Variants in RB1 observed in about 807,000 individuals in gnomAD.
RB1 encodes the protein retinoblastoma-associated protein.
Under a neutral mutation model 135.4 loss-of-function variants are expected in RB1, and 18 were observed. The ratio of observed to expected loss-of-function variants is 0.13; its 90% CI spans 0.09 to 0.20. The LOEUF is 0.20. Among genes scored for constraint, RB1 ranks in the 10% least tolerant of loss-of-function variants. RB1 has a pLI of 1.00. For synonymous variants in RB1, 365 were observed against 373.2 expected (o/e 0.98, Z 0.25); for missense variants, 868 against 1,110.0 (o/e 0.78, Z 3.10).
rs898268396 is a variant in RB1 at position 48,319,377 on chromosome 13, G to A, written c.264+11971G>A. The A allele has an allele frequency of 8.8e-6, 4 of 453,328 alleles. No individual in the cohort carries two copies. The highest frequency in any genetic ancestry group is 2.0e-5 in the African/African-American group (1 of 49,440). 28.1% of individuals were successfully genotyped at this position (453,328 alleles called of 1,614,324 possible). On this transcript the variant is annotated intron_variant, in intron 2 of 26. Coordinates refer to ENST00000267163, the MANE Select transcript of RB1 (RefSeq NM_000321.3). This position sits in a 1 kb window ranked among gnomAD's most constrained non-coding sequence, Gnocchi z 5.0. ...TTGCCGCAGCTAGTACACCTGGATGGCCTCCTCAGTGCCGTCGTTGCTGCT... is the reference window on the plus strand; with the variant it reads ...TTGCCGCAGCTAGTACACCTGGATGACCTCCTCAGTGCCGTCGTTGCTGCT...
intron 17 of RB1, among the ~76,000 whole-genome samples, chr13:48,394,057 C>T (rs1174156712): frequency 2.0e-5 from 3 of 152,134 alleles, no homozygotes; most frequent in African/African-American, 4.8e-5. Context: ...GTACCTGGCT[C>T]ATCTCATTGG....
At chr13:48,438,863 A>T (rs1052528317) in intron 17 of RB1, among the ~76,000 whole-genome samples, 1 of 152,208 alleles carries the variant, frequency 6.6e-6, no homozygotes, top group Non-Finnish European at 1.5e-5. Flanking sequence ...CATGTATCAT[A>T]CCAAACTTTT....
intron 17 of RB1, among the ~76,000 whole-genome samples, chr13:48,431,201 G>A (rs1176481376): frequency 6.6e-6 from 1 of 152,016 alleles, no homozygotes; most frequent in Non-Finnish European, 1.5e-5. Flanking sequence ...ATATCATTTT[G>A]TCCTTAACTT....
chr13:48,479,865 C>A, intron 26 of RB1, 133 bp from the exon 27 acceptor site: 1 of 713,048 alleles, frequency 1.4e-6, no homozygotes. Flanking sequence ...CTGTCAAATA[C>A]TAGAATGAAG....
intron 17 of RB1, among the ~76,000 whole-genome samples, chr13:48,427,107 C>T (rs183591587): frequency 4.6e-5 from 7 of 152,346 alleles, no homozygotes; most frequent in East Asian, 1.9e-4. Flanking sequence ...ATCCACCCCC[C>T]TGATGTAGTC....
chr13:48,374,659 C>G lies in RB1; in HGVS notation c.1215+1167C>G, dbSNP rs975120727. On this transcript the variant is annotated intron_variant, in intron 12 of 26. Transcript: ENST00000267163. ...ACATATGTACCCCAATTACCTAAAC[C>G]TTTTAGCAAGGGCTAATGAAAGAAT... 2.6e-5 allele frequency among the ~76,000 whole-genome samples: 4 copies of G among 152,186 alleles called. No individual in the cohort carries two copies. In the East Asian group the frequency reaches 5.8e-4, roughly 22 times the overall value.
At chr13:48,381,472 A>G (rs1398037278) in intron 17 of RB1, 29 bp downstream of exon 17, 1 of 1,600,884 alleles carries the variant, frequency 6.2e-7, no homozygotes, top group Non-Finnish European at 8.6e-7. Flanking sequence ...GAAGAAATTC[A>G]TTCATGTGCA....
chr13:48,345,957 C>G lies in RB1; in HGVS notation c.500+758C>G, dbSNP rs568763333. 2.0e-5 allele frequency among the ~76,000 whole-genome samples: 3 copies of G among 152,106 alleles called. No individual in the cohort carries two copies. The East Asian group carries it at 5.8e-4, about 29-fold the overall frequency. ...AGGAGGATGGCTCTATTTTCTCCCC[C>G]TTTTTCTTTTTTGACCACTAAAACT... On this transcript the variant is annotated intron_variant, in intron 4 of 26. Transcript: ENST00000267163.
intron 17 of RB1, among the ~76,000 whole-genome samples, chr13:48,403,809 A>G (rs1566207474): frequency 6.6e-6 from 1 of 152,132 alleles, no homozygotes; most frequent in Non-Finnish European, 1.5e-5. Context: ...TTTTAAGAAC[A>G]TGAAACACCT....
At chr13:48,462,219 G>A (rs1462549394) in intron 20 of RB1, among the ~76,000 whole-genome samples, 1 of 152,084 alleles carries the variant, frequency 6.6e-6, no homozygotes, top group Non-Finnish European at 1.5e-5. Context: ...GAATTCCCGG[G>A]CTCAAGTGTT....
chr13:48,336,955 G>A (rs199564357), intron 2 of RB1, among the ~76,000 whole-genome samples: 1 of 152,198 alleles, frequency 6.6e-6, no homozygotes, highest in East Asian at 1.9e-4. Flanking sequence ...TAGTCATTCA[G>A]GAGCAGGTTG....
chr13:48,327,739 T>C (rs4151441), intron 2 of RB1, among the ~76,000 whole-genome samples: 20,742 of 152,146 alleles, frequency 0.14, 4,134 homozygotes, highest in African/African-American at 0.44. Context: ...CAGTTTTAAA[T>C]AGACAATTAA....
intron 6 of RB1, among the ~76,000 whole-genome samples, chr13:48,353,175 AGTT>A (rs1952563643): frequency 6.6e-6 from 1 of 152,152 alleles, no homozygotes; most frequent in Non-Finnish European, 1.5e-5. Flanking sequence ...TTTTTTAAAA[AGTT>A]AAACAAAATT....
rs1384902573 is a variant in RB1 at position 48,319,956 on chromosome 13, C to T, written c.264+12550C>T. On this transcript the variant is annotated intron_variant, in intron 2 of 26. Coordinates refer to ENST00000267163, the MANE Select transcript of RB1 (RefSeq NM_000321.3). This position sits in a 1 kb window ranked among gnomAD's most constrained non-coding sequence, Gnocchi z 5.0. Reference sequence around the variant, plus strand: ...GGACACACGGAAGTCGGGGCACTGCCGTGAGATAGTTCTGGCTTACATCTA... The same window carrying T: ...GGACACACGGAAGTCGGGGCACTGCTGTGAGATAGTTCTGGCTTACATCTA... The T allele has an allele frequency of 5.6e-6, 2 of 357,852 alleles. No homozygotes were observed. The highest frequency in any genetic ancestry group is 3.5e-5 in the South Asian group (1 of 28,972). The allele number at this position is 357,852 out of a possible 1,614,324, so 22.2% of individuals were successfully genotyped here. A position where few individuals can be genotyped will look rare whatever the true frequency, so the allele number is the denominator to read the frequency against.
chr13:48,402,379 C>CTTTTTTT lies in RB1; in HGVS notation c.1695+20943_1695+20949dup, dbSNP rs545934425. Among the ~76,000 whole-genome samples the CTTTTTTT allele has an allele frequency of 4.5e-4, 57 of 125,720 alleles. 5 individuals carry two copies. Among genetic ancestry groups the CTTTTTTT allele is most frequent in the Middle Eastern group, 4.0e-3 (1 of 248 alleles). 82.5% of individuals were successfully genotyped at this position (125,720 alleles called of 152,430 possible). A position where few individuals can be genotyped will look rare whatever the true frequency, so the allele number is the denominator to read the frequency against. On this transcript the variant is annotated intron_variant, in intron 17 of 26. Coordinates refer to ENST00000267163, the MANE Select transcript of RB1 (RefSeq NM_000321.3). ...GGTAAAGAAATCCCTTGTAGAAAAC[C>CTTTTTTT]TTTTTTTTTTTTTAAACAGATGAGT...
chr13:48,388,155 A>G (rs1470662438), intron 17 of RB1, among the ~76,000 whole-genome samples: 1 of 152,230 alleles, frequency 6.6e-6, no homozygotes, highest in South Asian at 2.1e-4. Context: ...TACTTAAAAC[A>G]ATATCTGACA....
chr13:48,445,412 G>A (rs1340744744), intron 17 of RB1, among the ~76,000 whole-genome samples: 2 of 152,248 alleles, frequency 1.3e-5, no homozygotes, highest in East Asian at 1.9e-4. Flanking sequence ...CAGATTCTGC[G>A]TGATCATACA....
At chr13:48,368,895 G>T (rs902112806) in intron 11 of RB1, among the ~76,000 whole-genome samples, 6 of 151,962 alleles carry the variant, frequency 3.9e-5, no homozygotes, top group Admixed American at 2.6e-4. Flanking sequence ...AATCCCAGCT[G>T]CTCGGGAGGC....
chr13:48,439,283 G>A (rs1236193974), intron 17 of RB1, among the ~76,000 whole-genome samples: 2 of 152,026 alleles, frequency 1.3e-5, no homozygotes, highest in African/African-American at 4.8e-5. Context: ...AAAATATTTA[G>A]CATAGAACCT....
Sources: gnomAD v4.1 joint callset for allele counts (sites outside exome capture counted in the v4.1 genomes callset) on GRCh38, gnomAD v4.1.1 for gene constraint, Gnocchi (gnomAD v3.1) non-coding constraint, MANE v1.5 for transcripts, NCBI Gene and HGNC (gene_info 2026-07-23, HGNC 2026-07-21) for gene names.